Variants in KAZN observed in about 807,000 individuals in gnomAD.
The protein encoded by KAZN is kazrin.
KAZN carries 40 observed loss-of-function variants against 87.4 expected under a neutral mutation model. The observed-to-expected ratio is 0.46, with a 90% CI of 0.36 to 0.60. The LOEUF (loss-of-function observed/expected upper bound fraction) is 0.60. Ranked by LOEUF, KAZN falls within the 20% of genes least tolerant of loss-of-function variation. The pLI, the probability that KAZN is intolerant of heterozygous loss-of-function variation, is 0.00. For synonymous variants in KAZN, 466 were observed against 458.3 expected, an observed-to-expected ratio of 1.02 and a Z score of -0.22; for missense variants, 898 against 1,073.9, an observed-to-expected ratio of 0.84 and a Z score of 2.29.
At chr1:14,984,901 G>A (rs934812294) in intron 2 of KAZN, among the ~76,000 whole-genome samples, 1 of 152,178 alleles carries the variant, frequency 6.6e-6, no homozygotes, top group Non-Finnish European at 1.5e-5. Flanking sequence ...ACTTTGGGAG[G>A]CCAAGGCGGG....
intron 2 of KAZN, among the ~76,000 whole-genome samples, chr1:14,264,479 T>C (rs1651320609): frequency 6.6e-6 from 1 of 152,174 alleles, no homozygotes; most frequent in Non-Finnish European, 1.5e-5. Context: ...AATAGATTAA[T>C]GCTGTTATTC....
In KAZN at chr1:14,456,955, C is replaced by T. The variant is rs114318738; in HGVS notation, c.250-142028C>T. On this transcript the variant is annotated intron_variant, in intron 2 of 16. Transcript: ENST00000636203. Reference sequence around the variant, plus strand: ...ATTAGCTGGGCCTGGTGGTGTGTGCCTGGAGTCCCAGCTACTTGGGAGGCT... The same window carrying T: ...ATTAGCTGGGCCTGGTGGTGTGTGCTTGGAGTCCCAGCTACTTGGGAGGCT... Among the ~76,000 whole-genome samples, 1,151 of 152,252 alleles carry T rather than the reference C, an allele frequency of 7.6e-3. 19 individuals carry two copies. Among genetic ancestry groups the T allele is most frequent in the African/African-American group, 0.026 (1,078 of 41,556 alleles).
rs1030463095 is a variant in KAZN, at chr1:13,979,173, C to G, written c.91+85417C>G. Among the ~76,000 whole-genome samples, 21 of 151,658 alleles carry G rather than the reference C, an allele frequency of 1.4e-4. 1 individual carries two copies. The highest frequency in any genetic ancestry group is 1.1e-3 in the Admixed American group (17 of 15,232). On this transcript the variant is annotated intron_variant, in intron 1 of 16. Coordinates refer to the KAZN transcript ENST00000636203. The stretch of plus-strand genomic sequence containing the variant: ...TATGCTCATTGAAAGCATCAAGCCC[C>G]AAATTCAAGAAACTACAAACCTCAG...
chr1:13,916,410 T>C (rs1639853370), intron 1 of KAZN, among the ~76,000 whole-genome samples: 1 of 152,156 alleles, frequency 6.6e-6, no homozygotes, highest in Non-Finnish European at 1.5e-5. Flanking sequence ...AGAGGGGCTG[T>C]GTCTTAGCCT....
chr1:14,905,962 A>T (rs572263503), intron 1 of KAZN, among the ~76,000 whole-genome samples: 5 of 150,730 alleles, frequency 3.3e-5, no homozygotes, highest in Non-Finnish European at 7.4e-5. Flanking sequence ...AGGTCAGGAG[A>T]TCGAGGCCAT....
chr1:15,067,524 ACAGCT>A (rs1314775577), intron 8 of KAZN: 1 of 985,312 alleles, frequency 1.0e-6, no homozygotes, highest in Non-Finnish European at 1.2e-6. Context: ...TTAACAACTA[ACAGCT>A]CAACCCACAC....
intron 2 of KAZN, among the ~76,000 whole-genome samples, chr1:14,962,303 G>T (rs547894420): frequency 1.3e-5 from 2 of 152,216 alleles, no homozygotes; most frequent in Non-Finnish European, 2.9e-5. Flanking sequence ...TTCCAAGGCA[G>T]GTAGATGACC....
intron 1 of KAZN, among the ~76,000 whole-genome samples, chr1:14,767,329 G>A (rs1644910696): frequency 6.6e-6 from 1 of 152,160 alleles, no homozygotes; most frequent in African/African-American, 2.4e-5. Flanking sequence ...GGGAGTGGGA[G>A]GGGCTCCTCT....
chr1:14,146,627 C>T (rs1419997505), intron 1 of KAZN, among the ~76,000 whole-genome samples: 1 of 148,744 alleles, frequency 6.7e-6, no homozygotes, highest in Non-Finnish European at 1.5e-5. Context: ...GCAAAAAGAC[C>T]TTTATTTTAT....
At chr1:13,985,037 G>A (rs1638943753) in intron 1 of KAZN, among the ~76,000 whole-genome samples, 1 of 151,992 alleles carries the variant, frequency 6.6e-6, no homozygotes, top group Non-Finnish European at 1.5e-5. Flanking sequence ...GCAGCAGCAT[G>A]TATAAAATTG....
intron 2 of KAZN, among the ~76,000 whole-genome samples, chr1:14,253,942 T>G (rs182610212): frequency 2.3e-5 from 3 of 127,976 alleles, no homozygotes; most frequent in Admixed American, 1.8e-4. Flanking sequence ...GACGTGACAT[T>G]CTGTAATGGT....
rs1667926469 is a variant in KAZN at position 14,996,885 on chromosome 1, C to G, written c.418+36010C>G. Among the ~76,000 whole-genome samples the G allele has an allele frequency of 6.6e-6, 1 of 152,228 alleles. No homozygotes were observed. Among genetic ancestry groups the G allele is most frequent in the South Asian group, 2.1e-4 (1 of 4,836 alleles). ...GCCCCATGACCTCGCACCCACCTCC[C>G]TGCCTGACCTCACCGCCCCAGGAAG... On this transcript the variant is annotated intron_variant, in intron 2 of 14. Transcript: ENST00000376030. This position sits in a 1 kb window ranked among gnomAD's most constrained non-coding sequence, Gnocchi z 5.9.
intron 1 of KAZN, among the ~76,000 whole-genome samples, chr1:13,907,438 G>C (rs541289456): frequency 6.6e-6 from 1 of 151,940 alleles, no homozygotes; most frequent in African/African-American, 2.4e-5. Flanking sequence ...ATGGGCCCAG[G>C]CCTGGCAGAA....
intron 1 of KAZN, among the ~76,000 whole-genome samples, chr1:14,734,753 C>T (rs1572352326): frequency 6.6e-6 from 1 of 152,196 alleles, no homozygotes; most frequent in Admixed American, 6.5e-5. Flanking sequence ...CAGGCCTTGC[C>T]TGGTTCATGC....
chr1:14,384,705 G>A (rs1434790861), intron 2 of KAZN, among the ~76,000 whole-genome samples: 1 of 151,540 alleles, frequency 6.6e-6, no homozygotes, highest in Non-Finnish European at 1.5e-5. Flanking sequence ...ATGTGCTGCT[G>A]GATTCGGTTT....
chr1:13,963,545 A>G (rs1641830060), intron 1 of KAZN, among the ~76,000 whole-genome samples: 2 of 152,186 alleles, frequency 1.3e-5, no homozygotes, highest in Admixed American at 6.5e-5. Context: ...TATTGCTTTA[A>G]TTATTGTTCC....
At chr1:14,847,827 T>A (rs1648962478) in intron 1 of KAZN, among the ~76,000 whole-genome samples, 1 of 152,078 alleles carries the variant, frequency 6.6e-6, no homozygotes, top group African/African-American at 2.4e-5. Flanking sequence ...CAAAATATTT[T>A]AAAAAATTAG....
rs546377738 is a variant in KAZN, at chr1:15,044,306, C to A, written c.726+147C>A. ...CACAAGCAGGGGGCAGGGCCCGCCG[C>A]GGGAGGGGGCTTTCTGCAATGCATC... On this transcript the variant is annotated intron_variant, in intron 4 of 14. Coordinates refer to ENST00000376030, the MANE Select transcript of KAZN (RefSeq NM_201628.3). The A allele has an allele frequency of 1.8e-4, 140 of 786,190 alleles. 3 individuals are homozygous for A. Among genetic ancestry groups the A allele is most frequent in the Middle Eastern group, 1.1e-3 (3 of 2,656 alleles). The allele number at this position is 786,190 out of a possible 1,614,324, so 48.7% of individuals were successfully genotyped here. A position where few individuals can be genotyped will look rare whatever the true frequency, so the allele number is the denominator to read the frequency against.
chr1:14,557,670 T>TGA (rs1557799265), intron 2 of KAZN, among the ~76,000 whole-genome samples: 78 of 145,318 alleles, frequency 5.4e-4, no homozygotes, highest in African/African-American at 1.9e-3. Context: ...GTGTGTGGTG[T>TGA]GTGAGAGAGA....
Sources: allele counts gnomAD v4.1 joint callset (sites outside exome capture counted in the v4.1 genomes callset), GRCh38; gene constraint gnomAD v4.1.1; non-coding constraint Gnocchi (gnomAD v3.1); transcripts MANE v1.5; gene names NCBI Gene and HGNC (gene_info 2026-07-23, HGNC 2026-07-21).